SEMA5A: variants seen among roughly 807,000 people sequenced by gnomAD.
SEMA5A encodes the protein semaphorin 5A, also known as semaphorin-5A.
SEMA5A carries 55 observed loss-of-function variants against 135.5 expected under a neutral mutation model. The ratio of observed to expected loss-of-function variants is 0.41; its 90% CI spans 0.33 to 0.51. The LOEUF (loss-of-function observed/expected upper bound fraction) is 0.51, where lower values mean the gene tolerates loss of function less well. SEMA5A is among the 20% of genes least tolerant of loss of function. The pLI is 0.37. For synonymous variants in SEMA5A, 580 were observed against 546.5 expected (o/e 1.06, Z -0.85); for missense variants, 1,290 against 1,419.9 (o/e 0.91, Z 1.47).
chr5:9,365,616 G>A (rs1046524334), intron 3 of SEMA5A, among the ~76,000 whole-genome samples: 1 of 152,146 alleles, frequency 6.6e-6, no homozygotes, highest in Non-Finnish European at 1.5e-5. Context: ...CAGGCCTGCT[G>A]GACTCAGGAC....
intron 4 of SEMA5A, among the ~76,000 whole-genome samples, chr5:9,325,605 A>T (rs1035659235): frequency 6.6e-6 from 1 of 152,070 alleles, no homozygotes; most frequent in Non-Finnish European, 1.5e-5. Flanking sequence ...TTAATAGATG[A>T]AGTTCATTTG....
intron 2 of SEMA5A, among the ~76,000 whole-genome samples, chr5:9,419,963 C>A (rs1008207727): frequency 2.6e-5 from 4 of 152,200 alleles, no homozygotes; most frequent in African/African-American, 9.6e-5. Flanking sequence ...ATTAGCACAT[C>A]TGCAGCCAAA....
intron 10 of SEMA5A, among the ~76,000 whole-genome samples, chr5:9,194,236 A>C (rs1041047233): frequency 1.3e-5 from 2 of 152,168 alleles, no homozygotes; most frequent in Non-Finnish European, 2.9e-5. Context: ...AGAGTGGTTT[A>C]TATATTTTGT....
At chr5:9,405,470 G>A (rs1756839786) in intron 2 of SEMA5A, among the ~76,000 whole-genome samples, 1 of 152,176 alleles carries the variant, frequency 6.6e-6, no homozygotes, top group African/African-American at 2.4e-5. Context: ...TGAACTGAAT[G>A]ATGTATAATC....
At chr5:9,197,763 TGTGTGTGTGTGTGTGTGTGTG>T (rs1561011290) in intron 9 of SEMA5A, among the ~76,000 whole-genome samples, 1 of 143,820 alleles carries the variant, frequency 7.0e-6, no homozygotes, top group African/African-American at 2.7e-5. Flanking sequence ...TGTGTGTGTG[TGTGTGTGTGTGTGTGTGTGTG>T]TTTTAACCCA....
At chr5:9,483,593 G>T (rs1254126187) in intron 1 of SEMA5A, among the ~76,000 whole-genome samples, 1 of 152,136 alleles carries the variant, frequency 6.6e-6, no homozygotes, top group Non-Finnish European at 1.5e-5. Flanking sequence ...TACAGACGTG[G>T]AGTAAACTAC....
At chr5:9,503,589 G>A (rs987652727) in intron 1 of SEMA5A, among the ~76,000 whole-genome samples, 3 of 152,134 alleles carry the variant, frequency 2.0e-5, no homozygotes, top group African/African-American at 7.2e-5. Context: ...TCATCTCTGT[G>A]TATTTTATGT....
chr5:9,361,646 C>A (rs2126378758), intron 3 of SEMA5A, among the ~76,000 whole-genome samples: 1 of 152,322 alleles, frequency 6.6e-6, no homozygotes, highest in South Asian at 2.1e-4. Context: ...TACTCTGTCT[C>A]ATCCACATCA....
chr5:9,315,650 C>T (rs1374634764), intron 5 of SEMA5A, among the ~76,000 whole-genome samples: 1 of 152,064 alleles, frequency 6.6e-6, no homozygotes, highest in Non-Finnish European at 1.5e-5. Context: ...TAGGATGTCC[C>T]TCAGTGTATC....
rs1735573594 is a variant in SEMA5A at position 9,035,041 on chromosome 5, A to G, written c.*7856T>C. The G allele has an allele frequency of 6.6e-6, 1 of 152,602 alleles. No homozygotes were observed. The allele number at this position is 152,602 out of a possible 1,614,324, so 9.5% of individuals were successfully genotyped here. A position where few individuals can be genotyped will look rare whatever the true frequency, so the allele number is the denominator to read the frequency against. On this transcript the variant is annotated 3_prime_UTR_variant, in exon 23 of 23. Coordinates refer to ENST00000382496, the MANE Select transcript of SEMA5A (RefSeq NM_003966.3). ...AAAATGCCACTAAATTGTCCCCTAA[A>G]TGGTAGGATTTATTTCAATGCTCAC...
chr5:9,162,412 ATGTGTG>A (rs1287640900), intron 11 of SEMA5A, among the ~76,000 whole-genome samples: 3 of 115,412 alleles, frequency 2.6e-5, no homozygotes, highest in African/African-American at 1.3e-4. Context: ...GTGTATATAT[ATGTGTG>A]TGTATATATA....
chr5:9,110,015 G>A (rs1740154423), intron 15 of SEMA5A, among the ~76,000 whole-genome samples: 1 of 152,132 alleles, frequency 6.6e-6, no homozygotes, highest in Non-Finnish European at 1.5e-5. Context: ...GTGAAAAGTA[G>A]AAAGCAAGGC....
intron 2 of SEMA5A, 57 bp from the exon 3 acceptor site, chr5:9,380,080 G>T: frequency 8.4e-7 from 1 of 1,187,402 alleles, no homozygotes; most frequent in Non-Finnish European, 1.2e-6. Flanking sequence ...CTGGTGGGTG[G>T]TCTTCTGGTA....
intron 3 of SEMA5A, among the ~76,000 whole-genome samples, chr5:9,359,015 C>G (rs895404387): frequency 6.6e-6 from 1 of 152,166 alleles, no homozygotes; most frequent in Non-Finnish European, 1.5e-5. Flanking sequence ...AAGGTGAGCA[C>G]ATACATGTTA....
intron 5 of SEMA5A, among the ~76,000 whole-genome samples, chr5:9,304,288 T>C (rs1380215580): frequency 6.6e-6 from 1 of 152,094 alleles, no homozygotes; most frequent in Non-Finnish European, 1.5e-5. Context: ...TGTAAAAAAA[T>C]CTACTTTTCT....
chr5:9,227,651 T>C (rs998986413), intron 6 of SEMA5A, among the ~76,000 whole-genome samples: 1 of 151,444 alleles, frequency 6.6e-6, no homozygotes, highest in South Asian at 2.1e-4. Flanking sequence ...CCCAGGTTCA[T>C]GCCATTCTCC....
intron 20 of SEMA5A, among the ~76,000 whole-genome samples, chr5:9,051,663 T>C (rs77464527): frequency 0.01 from 1,555 of 152,336 alleles, 11 homozygotes; most frequent in Admixed American, 0.016. Context: ...AAGACACTTT[T>C]CCTAAGAAAT....
intron 16 of SEMA5A, among the ~76,000 whole-genome samples, chr5:9,070,003 C>T (rs1046929886): frequency 1.2e-4 from 19 of 152,190 alleles, no homozygotes; most frequent in African/African-American, 3.9e-4. Context: ...TATGCCACTG[C>T]CCTTCCCTCC....
intron 8 of SEMA5A, among the ~76,000 whole-genome samples, chr5:9,207,094 G>A (rs988210722): frequency 2.9e-5 from 1 of 34,370 alleles, no homozygotes. Context: ...GATAATGAAT[G>A]ATCAAGTGTA....
Sources: allele counts gnomAD v4.1 joint callset (sites outside exome capture counted in the v4.1 genomes callset), GRCh38; gene constraint gnomAD v4.1.1; transcripts MANE v1.5; gene names NCBI Gene and HGNC (gene_info 2026-07-23, HGNC 2026-07-21).